PRKCQ: variants seen among roughly 807,000 people sequenced by gnomAD.
The protein encoded by PRKCQ is protein kinase C theta type.
In PRKCQ, 41 loss-of-function variants were observed where a neutral mutation model predicts 91.2. The observed-to-expected ratio is 0.45, with a 90% CI of 0.35 to 0.58. The LOEUF (loss-of-function observed/expected upper bound fraction) is 0.58. Among genes scored for constraint, PRKCQ ranks in the 20% least tolerant of loss-of-function variants. The pLI, the probability that PRKCQ is intolerant of heterozygous loss-of-function variation, is 0.00. For synonymous variants in PRKCQ, 307 were observed against 316.9 expected, an observed-to-expected ratio of 0.97 and a Z score of 0.33; for missense variants, 673 against 896.5, an observed-to-expected ratio of 0.75 and a Z score of 3.18.
At chr10:6,410,617 T>A in the PRKCQ span, among the ~76,000 whole-genome samples, 2 of 152,206 alleles carry the variant, frequency 1.3e-5, no homozygotes, top group Admixed American at 6.5e-5. Context: ...TGGGCATGAT[T>A]GGCATTTAGT....
At chr10:6,575,542 C>G (rs1000491763) in intron 1 of PRKCQ, among the ~76,000 whole-genome samples, 2 of 152,188 alleles carry the variant, frequency 1.3e-5, no homozygotes, top group Non-Finnish European at 2.9e-5. Context: ...CATGGCTTCC[C>G]TAGTCCCTCA....
At chr10:6,396,874 C>G in the PRKCQ span, among the ~76,000 whole-genome samples, 2 of 152,182 alleles carry the variant, frequency 1.3e-5, no homozygotes, top group South Asian at 4.1e-4. Context: ...TTTTCAAATG[C>G]ATTGCAACAT....
chr10:6,530,541 A>G (rs1368923510), intron 1 of PRKCQ, among the ~76,000 whole-genome samples: 5 of 152,212 alleles, frequency 3.3e-5, no homozygotes, highest in Non-Finnish European at 5.9e-5. Flanking sequence ...GGGCTATCAC[A>G]GTCACAGGGG....
At chr10:6,398,791 T>C in the PRKCQ span, among the ~76,000 whole-genome samples, 2 of 152,138 alleles carry the variant, frequency 1.3e-5, no homozygotes, top group African/African-American at 4.8e-5. Context: ...TCTGGCTCTG[T>C]CACCCAGGCT....
At chr10:6,413,538 CACACACACACACACACACACTAGGAA>C in the PRKCQ span, among the ~76,000 whole-genome samples, 17 of 60,384 alleles carry the variant, frequency 2.8e-4, 2 homozygotes, top group Non-Finnish European at 4.2e-4. Context: ...GCCACTTGTG[CACACACACACACACACACACTAGGAA>C]GCACTGGATT....
chr10:6,527,717 C>T (rs1839247601), intron 1 of PRKCQ, among the ~76,000 whole-genome samples: 1 of 152,132 alleles, frequency 6.6e-6, no homozygotes, highest in Non-Finnish European at 1.5e-5. Context: ...GCCAGGCTCC[C>T]ACAATGACAA....
the PRKCQ span, among the ~76,000 whole-genome samples, chr10:6,402,182 A>C: frequency 6.6e-6 from 1 of 151,800 alleles, no homozygotes; most frequent in Non-Finnish European, 1.5e-5. Flanking sequence ...GGAACATCAC[A>C]CACCGGGGCC....
At chr10:6,426,052 C>T (rs930123543), downstream of PRKCQ, among the ~76,000 whole-genome samples, 10 of 152,170 alleles carry the variant, frequency 6.6e-5, no homozygotes, top group East Asian at 5.8e-4. Flanking sequence ...AGGCCTGCAG[C>T]GAGTGGAATC....
chr10:6,547,036 A>C (rs903908994), intron 1 of PRKCQ, among the ~76,000 whole-genome samples: 1 of 152,178 alleles, frequency 6.6e-6, no homozygotes, highest in Non-Finnish European at 1.5e-5. Flanking sequence ...GATTACATTT[A>C]TTGATTTGCG....
chr10:6,575,620 G>A (rs922030995), intron 1 of PRKCQ, among the ~76,000 whole-genome samples: 4 of 152,196 alleles, frequency 2.6e-5, no homozygotes, highest in Non-Finnish European at 1.5e-5. Flanking sequence ...CTCAAGCTGG[G>A]ATAGGAAATA....
the PRKCQ span, among the ~76,000 whole-genome samples, chr10:6,397,219 C>T: frequency 7.9e-5 from 12 of 152,196 alleles, no homozygotes; most frequent in South Asian, 2.5e-3. Flanking sequence ...GCGTCAGCCT[C>T]CCGAGTAGCT....
At chr10:6,526,341 G>A (rs1839195246) in intron 1 of PRKCQ, among the ~76,000 whole-genome samples, 1 of 152,170 alleles carries the variant, frequency 6.6e-6, no homozygotes, top group Non-Finnish European at 1.5e-5. Context: ...TTAGGACACT[G>A]CAGTCAGCCA....
intron 8 of PRKCQ, among the ~76,000 whole-genome samples, chr10:6,486,403 G>A (rs568382072): frequency 9.9e-5 from 15 of 152,184 alleles, no homozygotes; most frequent in Non-Finnish European, 2.1e-4. Flanking sequence ...GGACAGGGCA[G>A]AAGCAGCTTT....
chr10:6,529,576 C>T (rs191825513), intron 1 of PRKCQ, among the ~76,000 whole-genome samples: 3 of 152,270 alleles, frequency 2.0e-5, no homozygotes, highest in Middle Eastern at 3.4e-3. Flanking sequence ...TTGCCATTCT[C>T]GAACCTTTGC....
chr10:6,492,238 T>A (rs1837344895), intron 7 of PRKCQ, among the ~76,000 whole-genome samples: 8 of 147,324 alleles, frequency 5.4e-5, no homozygotes, highest in Non-Finnish European at 4.5e-5. Flanking sequence ...TTGGAAGATG[T>A]AAAAAAAAAA....
chr10:6,526,176 G>C (rs1052247786), intron 1 of PRKCQ, among the ~76,000 whole-genome samples: 1 of 152,194 alleles, frequency 6.6e-6, no homozygotes, highest in Non-Finnish European at 1.5e-5. Context: ...CCAAATCATA[G>C]ATATTCTTTC....
intron 1 of PRKCQ, among the ~76,000 whole-genome samples, chr10:6,534,922 C>A (rs1257021936): frequency 6.6e-6 from 1 of 151,546 alleles, no homozygotes; most frequent in Non-Finnish European, 1.5e-5. Flanking sequence ...TTGGAATGTG[C>A]AATTCAAATT....
chr10:6,404,828 CTTCTTTCTTTCT>C, the PRKCQ span, among the ~76,000 whole-genome samples: 1 of 127,318 alleles, frequency 7.9e-6, no homozygotes, highest in Non-Finnish European at 1.6e-5. Flanking sequence ...TCTTTCTTTC[CTTCTTTCTTTCT>C]TTCTTTCCTT....
At chr10:6,398,099 A>G in the PRKCQ span, among the ~76,000 whole-genome samples, 1 of 152,204 alleles carries the variant, frequency 6.6e-6, no homozygotes, top group Non-Finnish European at 1.5e-5. Flanking sequence ...TTGAATGTAG[A>G]TATTCAGCTG....
Sources: gnomAD v4.1 joint callset for allele counts (sites outside exome capture counted in the v4.1 genomes callset) on GRCh38, gnomAD v4.1.1 for gene constraint, MANE v1.5 for transcripts, NCBI Gene and HGNC (gene_info 2026-07-23, HGNC 2026-07-21) for gene names.